SHC3: variants seen among roughly 807,000 people sequenced by gnomAD.
SHC3 encodes SHC-transforming protein 3.
Under a neutral mutation model 60.4 loss-of-function variants are expected in SHC3, and 15 were observed. The observed-to-expected ratio is 0.25, with a 90% confidence interval of 0.17 to 0.38. The LOEUF is 0.38. Among genes scored for constraint, SHC3 ranks in the 10% least tolerant of loss-of-function variants. The pLI, the probability that SHC3 is intolerant of heterozygous loss-of-function variation, is 1.00. For missense variants in SHC3, 677 were observed against 786.1 expected, an observed-to-expected ratio of 0.86 and a Z score of 1.66; for synonymous variants, 294 against 325.9, an observed-to-expected ratio of 0.90 and a Z score of 1.05.
intron 1 of SHC3, among the ~76,000 whole-genome samples, chr9:89,134,501 T>A (rs1826293098): frequency 6.6e-6 from 1 of 152,144 alleles, no homozygotes; most frequent in Non-Finnish European, 1.5e-5. Context: ...TTTATAAGAA[T>A]CTTGCCTTAC....
At chr9:89,038,509 A>G (rs1446406881) in intron 10 of SHC3, among the ~76,000 whole-genome samples, 14 of 152,184 alleles carry the variant, frequency 9.2e-5, no homozygotes, top group Admixed American at 9.2e-4. Context: ...TGACTTTCTG[A>G]TGAGTCTGCT....
At chr9:89,043,905 C>T (rs536730490) in intron 9 of SHC3, among the ~76,000 whole-genome samples, 4 of 152,238 alleles carry the variant, frequency 2.6e-5, no homozygotes, top group South Asian at 2.1e-4. Flanking sequence ...CCACCCGCCT[C>T]GGCTTCCCAA....
chr9:89,149,371 T>C (rs906104056), intron 1 of SHC3, among the ~76,000 whole-genome samples: 11 of 152,194 alleles, frequency 7.2e-5, no homozygotes, highest in African/African-American at 2.4e-4. Flanking sequence ...TAAAGCATTA[T>C]AAAATGCTTC....
At chr9:89,156,829 C>A (rs952167432) in intron 1 of SHC3, among the ~76,000 whole-genome samples, 1 of 152,094 alleles carries the variant, frequency 6.6e-6, no homozygotes, top group Non-Finnish European at 1.5e-5. Flanking sequence ...TCTTTTCTGC[C>A]GATCACACAT....
chr9:89,137,225 T>A (rs1432202053), intron 1 of SHC3, among the ~76,000 whole-genome samples: 1 of 152,178 alleles, frequency 6.6e-6, no homozygotes, highest in Non-Finnish European at 1.5e-5. Context: ...GTCATGGAGA[T>A]ACCATTGTTT....
intron 2 of SHC3, among the ~76,000 whole-genome samples, chr9:89,086,354 G>A (rs747957085): frequency 6.6e-6 from 1 of 152,174 alleles, no homozygotes; most frequent in Non-Finnish European, 1.5e-5. Context: ...ACCACCCCCA[G>A]CTTGGGTTCA....
At chr9:89,060,230 C>T (rs184055124) in intron 6 of SHC3, among the ~76,000 whole-genome samples, 27 of 143,056 alleles carry the variant, frequency 1.9e-4, no homozygotes, top group African/African-American at 3.4e-4. Flanking sequence ...TGGTGGAGGA[C>T]GGTGATGGAG....
chr9:89,044,121 A>G (rs1422106878), intron 9 of SHC3, among the ~76,000 whole-genome samples: 2 of 152,270 alleles, frequency 1.3e-5, no homozygotes, highest in South Asian at 2.1e-4. Flanking sequence ...ATTTTACAAT[A>G]AAGTAAATAT....
intron 1 of SHC3, among the ~76,000 whole-genome samples, chr9:89,126,070 C>T (rs1826160111): frequency 6.6e-6 from 1 of 152,122 alleles, no homozygotes; most frequent in Non-Finnish European, 1.5e-5. Context: ...AACATCTTTC[C>T]TGCGAACCAT....
chr9:89,035,062 A>G (rs930302796), intron 11 of SHC3, among the ~76,000 whole-genome samples: 9 of 152,294 alleles, frequency 5.9e-5, no homozygotes, highest in African/African-American at 2.2e-4. Context: ...TGACCTCCAC[A>G]TTCTCACCAC....
At chr9:89,170,955 A>G (rs966200409) in intron 1 of SHC3, among the ~76,000 whole-genome samples, 1 of 152,200 alleles carries the variant, frequency 6.6e-6, no homozygotes, top group Non-Finnish European at 1.5e-5. Context: ...CCTGGAACCA[A>G]TCCCCCTCAG....
intron 4 of SHC3, among the ~76,000 whole-genome samples, chr9:89,072,536 A>G (rs946483407): frequency 1.3e-5 from 2 of 152,158 alleles, no homozygotes; most frequent in African/African-American, 4.8e-5. Flanking sequence ...CAGAGCAGAC[A>G]ATCCATGTTA....
chr9:89,099,676 G>A (rs958567106), intron 2 of SHC3, among the ~76,000 whole-genome samples: 1 of 152,112 alleles, frequency 6.6e-6, no homozygotes, highest in Non-Finnish European at 1.5e-5. Flanking sequence ...TGCCCATGCC[G>A]AGGACTGACA....
Position 89,137,105 on chromosome 9 carries a change from A to G in SHC3, c.475-24479T>C, listed in dbSNP as rs1401924155. Among the ~76,000 whole-genome samples, 4 of 152,250 alleles carry G rather than the reference A, an allele frequency of 2.6e-5. No individual in the cohort carries two copies. In the East Asian group the frequency reaches 7.7e-4, roughly 29 times the overall value. On this transcript the variant is annotated intron_variant, in intron 1 of 11. Coordinates refer to ENST00000375835, the MANE Select transcript of SHC3 (RefSeq NM_016848.6). ...ACATACTCACTATCATGAGAACAGCAAAGGGAAAATCCACCTCCAGGATCC... is the reference window on the plus strand; with the variant it reads ...ACATACTCACTATCATGAGAACAGCGAAGGGAAAATCCACCTCCAGGATCC...
chr9:89,107,832 C>T (rs577429606), intron 2 of SHC3, among the ~76,000 whole-genome samples: 61 of 152,284 alleles, frequency 4.0e-4, no homozygotes, highest in African/African-American at 1.4e-3. Context: ...CACTCTTTTC[C>T]CTTTCCCTGG....
chr9:89,033,006 C>CA (rs1824515742), intron 11 of SHC3, among the ~76,000 whole-genome samples: 1 of 105,442 alleles, frequency 9.5e-6, no homozygotes, highest in Non-Finnish European at 2.2e-5. Flanking sequence ...AAAATTAGAT[C>CA]CAACAAAAAA....
intron 4 of SHC3, among the ~76,000 whole-genome samples, chr9:89,073,236 GA>G (rs988023042): frequency 3.3e-5 from 5 of 151,954 alleles, no homozygotes; most frequent in South Asian, 2.1e-4. Context: ...CTGTGATTTG[GA>G]AAAAAAATGA....
intron 2 of SHC3, among the ~76,000 whole-genome samples, chr9:89,106,224 C>T (rs1345577353): frequency 6.6e-6 from 1 of 152,198 alleles, no homozygotes; most frequent in Non-Finnish European, 1.5e-5. Flanking sequence ...GCTCACCCTA[C>T]ATCAACAGGC....
chr9:89,037,044 A>G (rs370426675), intron 11 of SHC3, among the ~76,000 whole-genome samples: 3 of 151,554 alleles, frequency 2.0e-5, no homozygotes, highest in East Asian at 3.9e-4. Flanking sequence ...GAAGGGAAAG[A>G]GGAACTAGCT....
Sources: allele counts gnomAD v4.1 joint callset (sites outside exome capture counted in the v4.1 genomes callset), GRCh38; gene constraint gnomAD v4.1.1; transcripts MANE v1.5; gene names NCBI Gene and HGNC (gene_info 2026-07-23, HGNC 2026-07-21).